SAMM50: variants seen among roughly 807,000 people sequenced by gnomAD.
The protein encoded by SAMM50 is SAMM50 sorting and assembly machinery component.
In SAMM50, 47 loss-of-function variants were observed where a neutral mutation model predicts 66.9. That is an observed-to-expected ratio of 0.70 (90% CI 0.56 to 0.90). The LOEUF is 0.90. Ranked by LOEUF, SAMM50 falls within the 40% of genes least tolerant of loss-of-function variation. SAMM50 has a pLI of 0.00. For synonymous variants in SAMM50, 191 were observed against 214.1 expected, an observed-to-expected ratio of 0.89 and a Z score of 0.94; for missense variants, 535 against 595.3, an observed-to-expected ratio of 0.90 and a Z score of 1.05.
rs746157588 is a variant in SAMM50 at position 43,963,253 on chromosome 22, G to C, written c.22-33G>C. On this transcript the variant is annotated intron_variant, in intron 1 of 14. Transcript: ENST00000350028. Reference sequence around the variant, plus strand: ...TAAGTGTGTGTATATATGTGACAAAGTCATTTATCTGTGGTCGCTCCCTCC... The same window carrying C: ...TAAGTGTGTGTATATATGTGACAAACTCATTTATCTGTGGTCGCTCCCTCC... The C allele has an allele frequency of 2.9e-6, 4 of 1,383,494 alleles. No homozygotes were observed. The African/African-American group carries it at 5.8e-5, about 20-fold the overall frequency. 85.7% of individuals were successfully genotyped at this position (1,383,494 alleles called of 1,614,324 possible). A position where few individuals can be genotyped will look rare whatever the true frequency, so the allele number is the denominator to read the frequency against.
chr22:43,969,523 C>T lies in SAMM50; in HGVS notation c.322+705C>T, dbSNP rs150130790. ...CAGTGGGGCTGGGTTGGGGGCAGAC[C>T]AGTAAGTGATGGCAGCACAGTCGCT... On this transcript the variant is annotated intron_variant, in intron 4 of 14. Coordinates refer to ENST00000350028, the MANE Select transcript of SAMM50 (RefSeq NM_015380.5). 2.0e-5 allele frequency among the ~76,000 whole-genome samples: 3 copies of T among 152,168 alleles called. No individual in the cohort carries two copies. In the East Asian group the frequency reaches 5.8e-4, roughly 29 times the overall value.
intron 14 of SAMM50, among the ~76,000 whole-genome samples, chr22:43,994,957 C>G (rs2050345193): frequency 6.6e-6 from 1 of 152,186 alleles, no homozygotes. Context: ...TCCTTTTTAG[C>G]TCCTAGCTTA....
intron 14 of SAMM50, among the ~76,000 whole-genome samples, chr22:43,993,677 G>T (rs1417966533): frequency 6.6e-6 from 1 of 152,142 alleles, no homozygotes; most frequent in East Asian, 1.9e-4. Flanking sequence ...AGACATTTTC[G>T]CTCAGTGTGA....
At chr22:43,957,898 A>G (rs1024476802) in intron 1 of SAMM50, among the ~76,000 whole-genome samples, 6 of 152,240 alleles carry the variant, frequency 3.9e-5, no homozygotes, top group Middle Eastern at 3.4e-3. Flanking sequence ...AGCTGGGACC[A>G]CAGGCGCCTG....
chr22:43,984,649 G>T (rs2050282552), intron 12 of SAMM50, among the ~76,000 whole-genome samples: 1 of 148,294 alleles, frequency 6.7e-6, no homozygotes, highest in African/African-American at 2.5e-5. Context: ...ATTATTTTGA[G>T]ACAGAGTCTC....
chr22:43,986,021 T>G (rs148383980), intron 12 of SAMM50, among the ~76,000 whole-genome samples: 2 of 148,690 alleles, frequency 1.3e-5, no homozygotes, highest in East Asian at 3.9e-4. Context: ...GTTTTATTTA[T>G]TTATTTATTT....
chr22:43,964,861 C>T (rs1321653171), intron 3 of SAMM50, among the ~76,000 whole-genome samples: 6 of 152,198 alleles, frequency 3.9e-5, no homozygotes, highest in Non-Finnish European at 5.9e-5. Context: ...AGTGCACAGC[C>T]GTTCCCAGGC....
intron 12 of SAMM50, chr22:43,987,119 C>A (rs1013114411): frequency 2.0e-5 from 3 of 152,162 alleles, no homozygotes; most frequent in African/African-American, 7.2e-5. Flanking sequence ...TGGTGTTCCA[C>A]TCACCACCTC....
At position 43,964,565 on chromosome 22, in the gene SAMM50, C is replaced by G. The variant is rs1603418722; in HGVS notation, c.234+12C>G. 7.1e-7 allele frequency: 1 copy of G among 1,406,688 alleles called. No individual in the cohort carries two copies. Among genetic ancestry groups the G allele is most frequent in the Non-Finnish European group, 1.0e-6 (1 of 991,172 alleles). The allele number at this position is 1,406,688 out of a possible 1,614,324, so 87.1% of individuals were successfully genotyped here. ...AAAACCTAATTGAGGTAGGTGTGGTCTCTACATGGTGTGCTTTCCCAGTCT... is the reference window on the plus strand; with the variant it reads ...AAAACCTAATTGAGGTAGGTGTGGTGTCTACATGGTGTGCTTTCCCAGTCT... On this transcript the variant is annotated intron_variant, in intron 3 of 14. Transcript: ENST00000350028.
At chr22:43,963,467 A>C in intron 2 of SAMM50, 71 bp downstream of exon 2, 2 of 873,166 alleles carry the variant, frequency 2.3e-6, no homozygotes, top group South Asian at 1.8e-5. Flanking sequence ...CACTAGGGAG[A>C]TGTAAAGGAA....
At chr22:43,989,734 G>A (rs1054077797) in intron 13 of SAMM50, among the ~76,000 whole-genome samples, 2 of 152,224 alleles carry the variant, frequency 1.3e-5, no homozygotes, top group African/African-American at 4.8e-5. Context: ...CCAGCATTAA[G>A]TGGTTGGTTG....
intron 12 of SAMM50, chr22:43,986,485 G>A (rs2050294623): frequency 1.3e-5 from 2 of 152,004 alleles, no homozygotes; most frequent in Non-Finnish European, 2.9e-5. Context: ...CACATGCTAT[G>A]GAACTTTAAA....
intron 1 of SAMM50, 88 bp downstream of exon 1, chr22:43,955,686 C>T (rs1221787923): frequency 2.1e-6 from 3 of 1,404,590 alleles, no homozygotes; most frequent in Non-Finnish European, 2.9e-6. Context: ...GTGGCTGCGC[C>T]CAGGGTTCAC....
intron 10 of SAMM50, among the ~76,000 whole-genome samples, chr22:43,981,065 C>G (rs530244041): frequency 6.6e-6 from 1 of 152,378 alleles, no homozygotes; most frequent in South Asian, 2.1e-4. Context: ...GCTCCCTCCT[C>G]TGTGAGGCCT....
intron 12 of SAMM50, chr22:43,987,921 C>CACAG (rs2050302952): frequency 2.0e-5 from 3 of 149,250 alleles, no homozygotes; most frequent in African/African-American, 7.6e-5. Context: ...TATACACACA[C>CACAG]AGAGAGAGAG....
At chr22:43,979,012 G>A (rs905782698) in intron 10 of SAMM50, among the ~76,000 whole-genome samples, 2 of 152,130 alleles carry the variant, frequency 1.3e-5, no homozygotes, top group Admixed American at 6.5e-5. Context: ...TGTCCGGCAC[G>A]TGAGCCCATC....
At chr22:43,972,371 A>G (rs2050208392) in intron 5 of SAMM50, 29 bp downstream of exon 5, 3 of 1,360,054 alleles carry the variant, frequency 2.2e-6, no homozygotes, top group Non-Finnish European at 2.0e-6. Flanking sequence ...ACTTTCTTAT[A>G]TTGGAACTTA....
chr22:43,991,866 C>T (rs925235662), intron 14 of SAMM50, among the ~76,000 whole-genome samples: 11 of 152,200 alleles, frequency 7.2e-5, no homozygotes, highest in Admixed American at 1.3e-4. Context: ...AATTCCATCA[C>T]GAGGGCCCCA....
intron 14 of SAMM50, among the ~76,000 whole-genome samples, chr22:43,992,187 C>T (rs1197811560): frequency 9.9e-5 from 15 of 152,188 alleles, no homozygotes; most frequent in African/African-American, 3.4e-4. Context: ...TTACTCTCTC[C>T]GTCTTCCGCA....
Sources: gnomAD v4.1 joint callset for allele counts (sites outside exome capture counted in the v4.1 genomes callset) on GRCh38, gnomAD v4.1.1 for gene constraint, MANE v1.5 for transcripts, NCBI Gene and HGNC (gene_info 2026-07-23, HGNC 2026-07-21) for gene names.